The following SRCAP variants were observed in gnomAD, a reference collection of about 807,000 sequenced individuals.
SRCAP encodes the protein Snf2 related CREBBP activator protein.
In SRCAP, 46 loss-of-function variants were observed where a neutral mutation model predicts 263.1. That is an observed-to-expected ratio of 0.17 (90% CI 0.14 to 0.22). SRCAP has a LOEUF of 0.22. SRCAP is among the 10% of genes least tolerant of loss of function. SRCAP has a pLI of 1.00. For missense variants in SRCAP, 3,695 were observed against 4,181.9 expected, an observed-to-expected ratio of 0.88 and a Z score of 3.21; for synonymous variants, 1,813 against 1,662.1, an observed-to-expected ratio of 1.09 and a Z score of -2.21.
rs748249227 is a variant in SRCAP at position 30,712,251 on chromosome 16, C to T, written c.1816-11C>T. The T allele has an allele frequency of 1.0e-5, 16 of 1,592,654 alleles. No individual in the cohort carries two copies. In the African/African-American group the frequency reaches 1.5e-4, roughly 15 times the overall value. ...ATTTCCATTGTGTTACCTATATTTC[C>T]TCTCTGACAGGTAAAGACGCCCATT... On this transcript the variant is annotated splice_polypyrimidine_tract_variant and intron_variant, in intron 12 of 33. Transcript: ENST00000262518.
Position 30,737,968 on chromosome 16 carries a change from C to G in SRCAP, c.7928C>G (p.Pro2643Arg). Residue 2643 changes from proline to arginine, a missense_variant, in exon 34 of 34, where the codon CCC (proline) becomes CGC (arginine). This residue lies in a region of SRCAP where 1,207 missense variants were observed against 1,142.9 expected (regional missense o/e 1.06). Transcript: ENST00000262518. ...GTGCTGCCTGAAGGTGAGGAGTTGC[C>G]CCTGTGTGTGAGTGAGAGCAATGGC... is the stretch of plus-strand genomic sequence containing the variant. ...LTVLPEGEEL[P>R]LCVSESNGLE... The G allele has an allele frequency of 6.2e-7, 1 of 1,614,118 alleles. No homozygotes were observed. Among genetic ancestry groups the G allele is most frequent in the South Asian group, 1.1e-5 (1 of 91,084 alleles).
rs749070094 is a variant in SRCAP, at chr16:30,716,320, T to A, written c.2658T>A (p.His886Gln). 1.9e-6 allele frequency: 3 copies of A among 1,614,202 alleles called. No individual in the cohort carries two copies. The South Asian group carries it at 3.3e-5, about 18-fold the overall frequency. The stretch of plus-strand genomic sequence containing the variant: ...CTAAGGAGACACTAGCCACAGGCCA[T>A]TTCATGAGCGTCATCAACATTTTGA... Reference protein sequence around the residue: ...TTTKETLATGHFMSVINILMQ... With the variant: ...TTTKETLATGQFMSVINILMQ... The change falls in exon 18 of 34, where the codon CAT becomes CAA. Residue 886 changes from histidine to glutamine, a missense_variant. Around this residue, in one of 12 missense-constraint regions of SRCAP, gnomAD observed 147 missense variants for 212.7 expected, o/e 0.69. Transcript: ENST00000262518.
intron 25 of SRCAP, 31 bp from the exon 26 acceptor site, chr16:30,728,935 T>TG: frequency 6.3e-7 from 1 of 1,593,048 alleles, no homozygotes. Flanking sequence ...CTGAGGGTGC[T>TG]GATTACTTCC....
intron 16 of SRCAP, among the ~76,000 whole-genome samples, chr16:30,715,574 A>G (rs1596650219): frequency 6.6e-6 from 1 of 152,022 alleles, no homozygotes; most frequent in East Asian, 1.9e-4. Flanking sequence ...CAAAAAAAAA[A>G]AAAAAAGAAA....
At chr16:30,709,339 G>A (rs1222484083) in intron 6 of SRCAP, among the ~76,000 whole-genome samples, 174 bp from the exon 7 acceptor site, 1 of 151,668 alleles carries the variant, frequency 6.6e-6, no homozygotes, top group Non-Finnish European at 1.5e-5. Context: ...TCTTCTTCCT[G>A]CATGCTCCCT....
rs778737366 is a variant in SRCAP at position 30,710,067 on chromosome 16, A to G, written c.1073A>G (p.Asp358Gly). ...CCCTCTCAAACCCCCTCATCTCATG[A>G]TAGTGACACCCGAGATGGGCCTGAA... Reference protein sequence around the residue: ...SSPSQTPSSHDSDTRDGPEEG... With the variant: ...SSPSQTPSSHGSDTRDGPEEG... Residue 358 changes from aspartate to glycine, a missense_variant, in exon 8 of 34, where the codon GAT (aspartate) becomes GGT (glycine). Transcript: ENST00000262518. 3.8e-5 allele frequency: 62 copies of G among 1,613,924 alleles called. No individual in the cohort carries two copies. The highest frequency in any genetic ancestry group is 4.2e-5 in the Non-Finnish European group (49 of 1,180,032).
rs2053181986 is a variant in SRCAP, at chr16:30,738,362, C to T, written c.8322C>T (p.Ala2774=). The T allele has an allele frequency of 1.3e-6, 2 of 1,566,370 alleles. No individual in the cohort carries two copies. Among genetic ancestry groups the T allele is most frequent in the Non-Finnish European group, 1.7e-6 (2 of 1,156,142 alleles). Residue 2774 remains alanine, a synonymous_variant, in exon 34 of 34, where the codon GCC becomes GCT. Transcript: ENST00000262518. ...VRRRRQQRGA[A]STLVPGVSET... Reference sequence around the variant, plus strand: ...GGCGGCGGCAGCAGCGGGGAGCTGCCAGCACCCTAGTGCCTGGGGTCTCTG... The same window carrying T: ...GGCGGCGGCAGCAGCGGGGAGCTGCTAGCACCCTAGTGCCTGGGGTCTCTG...
At chr16:30,704,376 C>T (rs541726713) in intron 4 of SRCAP, 61 bp downstream of exon 4, 4 of 1,512,884 alleles carry the variant, frequency 2.6e-6, no homozygotes, top group Middle Eastern at 1.8e-4. Context: ...CTCCCACGTC[C>T]TCTTGAGTAT....
chr16:30,739,342 C>T lies in SRCAP; in HGVS notation c.9302C>T (p.Pro3101Leu). 1 of 1,614,184 alleles carries T rather than the reference C, an allele frequency of 6.2e-7. No individual in the cohort carries two copies. Among genetic ancestry groups the T allele is most frequent in the Non-Finnish European group, 8.5e-7 (1 of 1,180,006 alleles). The change falls in exon 34 of 34, where the codon CCA becomes CTA. Residue 3101 changes from proline (P) to leucine (L), a missense_variant. By Grantham distance (98) the Pro-to-Leu change is moderately conservative. Coordinates refer to ENST00000262518, the MANE Select transcript of SRCAP (RefSeq NM_006662.3). Reference sequence around the variant, plus strand: ...GACCTGGACTTAGCAGATAGCGGGCCAGGCGGGTTGGAATTGACACCACCT... The same window carrying T: ...GACCTGGACTTAGCAGATAGCGGGCTAGGCGGGTTGGAATTGACACCACCT... ...QDDLDLADSG[P>L]GGLELTPPVV...
At chr16:30,717,991 G>A (rs1596651786) in intron 18 of SRCAP, among the ~76,000 whole-genome samples, 1 of 150,964 alleles carries the variant, frequency 6.6e-6, no homozygotes, top group Non-Finnish European at 1.5e-5. Context: ...ACTCCTGGAC[G>A]AGTAGCTGGA....
At chr16:30,727,161 A>T (rs2053072205) in intron 25 of SRCAP, among the ~76,000 whole-genome samples, 1 of 152,046 alleles carries the variant, frequency 6.6e-6, no homozygotes, top group Admixed American at 6.6e-5. Flanking sequence ...GATTATAGCC[A>T]TCCTGCTGGG....
Position 30,737,764 on chromosome 16 carries a change from C to G in SRCAP, c.7724C>G (p.Ser2575Cys). 1 of 1,614,202 alleles carries G rather than the reference C, an allele frequency of 6.2e-7. No homozygotes were observed. Among genetic ancestry groups the G allele is most frequent in the Non-Finnish European group, 8.5e-7 (1 of 1,180,040 alleles). ...ELASVASSETSSLSLVPPKDL... is the reference protein window; with the variant it reads ...ELASVASSETCSLSLVPPKDL... ...GCTTCTGTGGCCAGTTCAGAAACCTCCTCACTTTCTCTTGTGCCCCCTAAA... is the reference window on the plus strand; with the variant it reads ...GCTTCTGTGGCCAGTTCAGAAACCTGCTCACTTTCTCTTGTGCCCCCTAAA... Residue 2575 changes from serine to cysteine, a missense_variant, in exon 34 of 34, where the codon TCC becomes TGC. Coordinates refer to ENST00000262518, the MANE Select transcript of SRCAP (RefSeq NM_006662.3).
chr16:30,736,092 A>G (rs2053158498), intron 31 of SRCAP, 108 bp from the exon 32 acceptor site: 1 of 1,370,102 alleles, frequency 7.3e-7, no homozygotes, highest in Non-Finnish European at 9.9e-7. Flanking sequence ...GTTCTGTTGC[A>G]AACCTAGTTT....
intron 30 of SRCAP, 57 bp downstream of exon 30, chr16:30,734,065 T>A: frequency 2.8e-6 from 4 of 1,427,572 alleles, no homozygotes; most frequent in Non-Finnish European, 3.8e-6. Flanking sequence ...CTTCAGGAGT[T>A]CCTCCTGTTT....
rs2151294517 is a variant in SRCAP, at chr16:30,724,682, C to T, written c.5258C>T (p.Pro1753Leu). Residue 1753 changes from proline (P) to leucine (L), a missense_variant, in exon 25 of 34, where the codon CCT becomes CTT. Transcript: ENST00000262518. Reference sequence around the variant, plus strand: ...ACGCTGTCTCTGGCTCCAGCACCCCCTCTGGCTCCAGCTTCTCCAGTGGGC... The same window carrying T: ...ACGCTGTCTCTGGCTCCAGCACCCCTTCTGGCTCCAGCTTCTCCAGTGGGC... The part of the protein sequence containing the change: ...TQTLSLAPAP[P>L]LAPASPVGPA... The T allele has an allele frequency of 6.2e-7, 1 of 1,614,196 alleles. No homozygotes were observed.
chr16:30,720,861 C>T lies in SRCAP; in HGVS notation c.3136C>T (p.Pro1046Ser), dbSNP rs775818679. Reference sequence around the variant, plus strand: ...CCCTGGCCCAGTCCCCCAAGTGCTGCCAGCATCACTGATGGTTTCAGCCTC... The same window carrying T: ...CCCTGGCCCAGTCCCCCAAGTGCTGTCAGCATCACTGATGGTTTCAGCCTC... The part of the protein sequence containing the change: ...PTPGPVPQVL[P>S]ASLMVSASPA... The change falls in exon 20 of 34, where the codon CCA becomes TCA. Residue 1046 changes from proline to serine, a missense_variant. By Grantham distance (74) the Pro-to-Ser change is moderately conservative. Transcript: ENST00000262518. The T allele has an allele frequency of 1.9e-6, 3 of 1,614,060 alleles. No homozygotes were observed. Among genetic ancestry groups the T allele is most frequent in the Non-Finnish European group, 2.5e-6 (3 of 1,179,998 alleles).
rs1371581338 is a variant in SRCAP, at chr16:30,736,391, A to T, written c.6921A>T (p.Glu2307Asp). 1 of 1,611,966 alleles carries T rather than the reference A, an allele frequency of 6.2e-7. No individual in the cohort carries two copies. The highest frequency in any genetic ancestry group is 1.7e-5 in the Admixed American group (1 of 59,902). ...RAEQEIAALVEQLTPIERYAM... is the reference protein window; with the variant it reads ...RAEQEIAALVDQLTPIERYAM... The stretch of plus-strand genomic sequence containing the variant: ...AGCAGGAAATTGCTGCCCTCGTAGA[A>T]CAGGTCAGTGCTGGACCCACTAGTT... Residue 2307 changes from glutamate (E) to aspartate (D), a missense_variant, in exon 32 of 34, where the codon GAA becomes GAT. Transcript: ENST00000262518.
chr16:30,733,673 G>C lies in SRCAP; in HGVS notation c.6369G>C (p.Val2123=). The C allele has an allele frequency of 6.2e-7, 1 of 1,614,128 alleles. No homozygotes were observed. The highest frequency in any genetic ancestry group is 1.1e-5 in the South Asian group (1 of 91,076). Residue 2123 remains valine (V), a synonymous_variant, in exon 29 of 34, where the codon GTG becomes GTC. Coordinates refer to ENST00000262518, the MANE Select transcript of SRCAP (RefSeq NM_006662.3). This position sits in a 1 kb window ranked among gnomAD's most constrained non-coding sequence, Gnocchi z 5.3. ...TCCTTTCAACTCGGAGTGGGGGTGT[G>C]GGCGTGAACCTGACAGGAGCAGACA... ...CFILSTRSGG[V]GVNLTGADTV...
Position 30,724,362 on chromosome 16 carries a change from A to G in SRCAP, c.4938A>G (p.Ser1646=). 2.5e-6 allele frequency: 4 copies of G among 1,613,988 alleles called. No homozygotes were observed. Among genetic ancestry groups the G allele is most frequent in the Non-Finnish European group, 3.4e-6 (4 of 1,179,966 alleles). Residue 1646 remains serine, a synonymous_variant, in exon 25 of 34, where the codon TCA becomes TCG. Coordinates refer to ENST00000262518, the MANE Select transcript of SRCAP (RefSeq NM_006662.3). ...CAGGAACCTCTTTAGCCTCAGCTTC[A>G]CCGGTACCAGCTCCAACCCCTGTGT... ...STPGTSLASA[S]PVPAPTPVLA...
Sources: allele counts gnomAD v4.1 joint callset (sites outside exome capture counted in the v4.1 genomes callset), GRCh38; gene constraint gnomAD v4.1.1; regional missense constraint gnomAD v4.1.1; non-coding constraint Gnocchi (gnomAD v3.1); transcripts MANE v1.5; gene names NCBI Gene and HGNC (gene_info 2026-07-23, HGNC 2026-07-21).